Variants in ERCC3 observed in about 807,000 individuals in gnomAD.
ERCC3 encodes the protein general transcription and DNA repair factor IIH helicase/translocase subunit XPB.
ERCC3 carries 66 observed loss-of-function variants against 94.2 expected under a neutral mutation model. The ratio of observed to expected loss-of-function variants is 0.70; its 90% CI spans 0.57 to 0.86. The LOEUF (loss-of-function observed/expected upper bound fraction) is 0.86, where lower values mean the gene tolerates loss of function less well. Among genes scored for constraint, ERCC3 ranks in the 40% least tolerant of loss-of-function variants. ERCC3 has a pLI of 0.00. For missense variants in ERCC3, 829 were observed against 987.1 expected (o/e 0.84, Z 2.15); for synonymous variants, 349 against 369.1 (o/e 0.95, Z 0.63).
rs1207335192 is a variant in ERCC3 at position 127,291,941 on chromosome 2, A to G, written c.471+669T>C. 6.3e-6 allele frequency: 1 copy of G among 157,756 alleles called. No individual in the cohort carries two copies. Among genetic ancestry groups the G allele is most frequent in the East Asian group, 1.8e-4 (1 of 5,482 alleles). 9.8% of individuals were successfully genotyped at this position (157,756 alleles called of 1,614,324 possible). ...GTTAGTCAGCTTGGGCTGCCATAAT[A>G]AAATTCCAGACTGGGTGGCTTCAAC... On this transcript the variant is annotated intron_variant, in intron 3 of 14. Transcript: ENST00000285398. The surrounding 1 kb of genome is among the most constrained non-coding windows in gnomAD (Gnocchi z 4.9).
rs936589059 is a variant in ERCC3, at chr2:127,258,180, G to A, written c.2218-453C>T. ...ACTCCTGGACTCAACTGATCCTCCC[G>A]CCTAGGCCTCCCAAAGTGCTGGGAT... On this transcript the variant is annotated intron_variant, in intron 14 of 14. Coordinates refer to ENST00000285398, the MANE Select transcript of ERCC3 (RefSeq NM_000122.2). The surrounding 1 kb of genome is among the most constrained non-coding windows in gnomAD (Gnocchi z 4.1). Among the ~76,000 whole-genome samples the A allele has an allele frequency of 3.3e-5, 5 of 151,914 alleles. No homozygotes were observed. The highest frequency in any genetic ancestry group is 1.2e-4 in the African/African-American group (5 of 41,312).
Position 127,258,658 on chromosome 2 carries a change from G to A in ERCC3, c.2217+638C>T, listed in dbSNP as rs536795374. Among the ~76,000 whole-genome samples, 3 of 152,220 alleles carry A rather than the reference G, an allele frequency of 2.0e-5. No individual in the cohort carries two copies. Among genetic ancestry groups the A allele is most frequent in the East Asian group, 3.9e-4 (2 of 5,174 alleles). On this transcript the variant is annotated intron_variant, in intron 14 of 14. Transcript: ENST00000285398. The surrounding 1 kb of genome is among the most constrained non-coding windows in gnomAD (Gnocchi z 4.1). ...CTCTAATGGCAACTGAATTTCAAAC[G>A]CACCTGACTGAAGTGCACTTCTCCC...
In ERCC3 at chr2:127,286,712, T is replaced by A. The variant is rs587778280; in HGVS notation, c.1333A>T (p.Thr445Ser). 5.0e-6 allele frequency: 8 copies of A among 1,613,766 alleles called. No homozygotes were observed. In the Admixed American group the frequency reaches 1.0e-4, roughly 20 times the overall value. The change falls in exon 8 of 15, where the codon ACC becomes TCC. Residue 445 changes from threonine (T) to serine (S), a missense_variant. Physicochemically the swap from Thr to Ser is moderately conservative, Grantham distance 58. Transcript: ENST00000285398. ...WGLMILDEVH[T>S]IPAKMFRRVL... ...GCTCCAGCCTGCTTACCTGGTATGG[T>A]GTGCACTTCATCCAGGATCATGAGG...
At chr2:127,281,381 C>T (rs4150451) in intron 8 of ERCC3, among the ~76,000 whole-genome samples, 245 of 152,338 alleles carry the variant, frequency 1.6e-3, no homozygotes, top group African/African-American at 5.2e-3. Context: ...CTTTGGTCAA[C>T]CAGCAACCTC....
rs1248306943 is a variant in ERCC3, at chr2:127,259,308, G to A, written c.2205C>T (p.Ser735=). ...EEEVVAGEFG[S]RSSQASRRFG... is the part of the protein sequence containing the mutation. ...CCCATTTACTCACCTGGCTGGATCT[G>A]GAGCCAAATTCCCCAGCCACCACCT... Residue 735 remains serine (S), a synonymous_variant, in exon 14 of 15, where the codon TCC becomes TCT. Coordinates refer to ENST00000285398, the MANE Select transcript of ERCC3 (RefSeq NM_000122.2). This position sits in a 1 kb window ranked among gnomAD's most constrained non-coding sequence, Gnocchi z 4.9. The A allele has an allele frequency of 8.7e-6, 14 of 1,614,102 alleles. No homozygotes were observed. The African/African-American group carries it at 1.3e-4, about 15-fold the overall frequency.
intron 10 of ERCC3, among the ~76,000 whole-genome samples, 162 bp from the exon 11 acceptor site, chr2:127,273,123 C>T (rs562505811): frequency 4.7e-4 from 72 of 152,286 alleles, no homozygotes; most frequent in African/African-American, 1.5e-3. Flanking sequence ...TACAGATGCA[C>T]CTCCCAGCCT....
chr2:127,293,550 G>T lies in ERCC3; in HGVS notation c.197C>A (p.Pro66Gln), dbSNP rs1439555872. ...YGAKDYRLQM[P>Q]LKDDHTSRPL... ...CCTGGAGGTGTGGTCGTCCTTCAGC[G>T]GCATTTGCAGCCTGTAGTCCTTGGC... The change falls in exon 2 of 15, where the codon CCG becomes CAG. Residue 66 changes from proline to glutamine, a missense_variant. Physicochemically the swap from Pro to Gln is moderately conservative, Grantham distance 76. Transcript: ENST00000285398. The T allele has an allele frequency of 6.2e-7, 1 of 1,614,030 alleles. No individual in the cohort carries two copies. Among genetic ancestry groups the T allele is most frequent in the African/African-American group, 1.3e-5 (1 of 74,910 alleles).
At chr2:127,266,704 C>G (rs899142548) in intron 12 of ERCC3, among the ~76,000 whole-genome samples, 17 of 138,200 alleles carry the variant, frequency 1.2e-4, no homozygotes, top group African/African-American at 4.1e-4. Context: ...AACACATGAT[C>G]AATTATTTTT....
intron 12 of ERCC3, among the ~76,000 whole-genome samples, chr2:127,266,152 C>T (rs189790262): frequency 6.6e-6 from 1 of 150,592 alleles, no homozygotes; most frequent in African/African-American, 2.4e-5. Flanking sequence ...GTCTTGAACT[C>T]CTGAGTTCAA....
At chr2:127,275,917 C>T (rs1684724337) in intron 10 of ERCC3, among the ~76,000 whole-genome samples, 1 of 152,190 alleles carries the variant, frequency 6.6e-6, no homozygotes, top group Non-Finnish European at 1.5e-5. Flanking sequence ...CCTCTGTGTC[C>T]TCTGCAGCAC....
intron 3 of ERCC3, chr2:127,290,551 C>T: frequency 2.0e-6 from 1 of 500,396 alleles, no homozygotes; most frequent in South Asian, 2.0e-5. Context: ...CCTTTCCTCT[C>T]TATTCCCACA....
In ERCC3 at chr2:127,274,862, G is replaced by A. The variant is rs1278299011; in HGVS notation, c.1731-1901C>T. On this transcript the variant is annotated intron_variant, in intron 10 of 14. Coordinates refer to ENST00000285398, the MANE Select transcript of ERCC3 (RefSeq NM_000122.2). This position sits in a 1 kb window ranked among gnomAD's most constrained non-coding sequence, Gnocchi z 4.0. ...GAAAAGCACCCTCCAAGTGGAGAATGTCACATTTACTAAATACTTACAAGC... is the reference window on the plus strand; with the variant it reads ...GAAAAGCACCCTCCAAGTGGAGAATATCACATTTACTAAATACTTACAAGC... Among the ~76,000 whole-genome samples the A allele has an allele frequency of 1.3e-5, 2 of 152,130 alleles. No homozygotes were observed. Among genetic ancestry groups the A allele is most frequent in the Non-Finnish European group, 2.9e-5 (2 of 68,018 alleles).
chr2:127,276,731 C>T (rs1684744527), intron 10 of ERCC3, among the ~76,000 whole-genome samples: 1 of 151,914 alleles, frequency 6.6e-6, no homozygotes, highest in South Asian at 2.1e-4. Context: ...ACACGAGTTT[C>T]CAGATGGAAA....
At chr2:127,260,413 A>G (rs1684154783) in intron 13 of ERCC3, 1 of 152,276 alleles carries the variant, frequency 6.6e-6, no homozygotes, top group Admixed American at 6.5e-5. Context: ...TAAAAAGGTC[A>G]TGATGCAAAT....
rs114726976 is a variant in ERCC3, at chr2:127,280,552, A to G, written c.1422T>C (p.Asp474=). The G allele has an allele frequency of 1.2e-6, 2 of 1,614,218 alleles. No individual in the cohort carries two copies. The highest frequency in any genetic ancestry group is 2.2e-5 in the East Asian group (1 of 44,896). ...GAAAATTTAAATCCACAATTTTGTCATCTTCGCGGACGAGGGTCGCAGTCA... is the reference window on the plus strand; with the variant it reads ...GAAAATTTAAATCCACAATTTTGTCGTCTTCGCGGACGAGGGTCGCAGTCA... The part of the protein sequence containing the change: ...LGLTATLVRE[D]DKIVDLNFLI... Residue 474 remains aspartate, a synonymous_variant, in exon 9 of 15, where the codon GAT becomes GAC. Transcript: ENST00000285398. This position sits in a 1 kb window ranked among gnomAD's most constrained non-coding sequence, Gnocchi z 6.3.
chr2:127,288,425 T>A (rs1465750888), intron 7 of ERCC3, among the ~76,000 whole-genome samples: 2 of 152,028 alleles, frequency 1.3e-5, no homozygotes, highest in African/African-American at 4.8e-5. Context: ...CCCAGAAGAG[T>A]GAGCTCCATG....
Position 127,271,236 on chromosome 2 carries a change from A to G in ERCC3, c.1945+100T>C. 4.8e-6 allele frequency: 4 copies of G among 830,962 alleles called. No individual in the cohort carries two copies. The highest frequency in any genetic ancestry group is 8.5e-6 in the Non-Finnish European group (4 of 468,904). The allele number at this position is 830,962 out of a possible 1,614,324, so 51.5% of individuals were successfully genotyped here. On this transcript the variant is annotated intron_variant, in intron 12 of 14. Coordinates refer to ENST00000285398, the MANE Select transcript of ERCC3 (RefSeq NM_000122.2). This position sits in a 1 kb window ranked among gnomAD's most constrained non-coding sequence, Gnocchi z 5.0. ...GATTCTCTCCCTCCAGAGTCTATTT[A>G]GCCCCAGGGCACATGGCAGCTCTCA...
At position 127,280,378 on chromosome 2, in the gene ERCC3, C is replaced by T. The variant is rs1364567710; in HGVS notation, c.1527+69G>A. On this transcript the variant is annotated intron_variant, in intron 9 of 14. Transcript: ENST00000285398. This position sits in a 1 kb window ranked among gnomAD's most constrained non-coding sequence, Gnocchi z 6.3. ...TGACCTGTGTCTGCCCATGAGGAAT[C>T]GATCTGATCACTCCCCTGCCCATAG... The T allele has an allele frequency of 3.1e-5, 43 of 1,384,732 alleles. No individual in the cohort carries two copies. Among genetic ancestry groups the T allele is most frequent in the Admixed American group, 3.9e-5 (2 of 51,870 alleles). The allele number at this position is 1,384,732 out of a possible 1,614,324, so 85.8% of individuals were successfully genotyped here.
chr2:127,289,297 A>G (rs1299291481), intron 6 of ERCC3, 40 bp downstream of exon 6: 1 of 1,589,762 alleles, frequency 6.3e-7, no homozygotes, highest in Non-Finnish European at 8.6e-7. Flanking sequence ...TTCTAACAGC[A>G]GCTCAGTGAA....
Sources: allele counts gnomAD v4.1 joint callset (sites outside exome capture counted in the v4.1 genomes callset), GRCh38; gene constraint gnomAD v4.1.1; non-coding constraint Gnocchi (gnomAD v3.1); transcripts MANE v1.5; gene names NCBI Gene and HGNC (gene_info 2026-07-23, HGNC 2026-07-21).